Variants in SLC44A5 observed in about 807,000 individuals in gnomAD.
SLC44A5 encodes choline transporter-like protein 5.
Under a neutral mutation model 101.8 loss-of-function variants are expected in SLC44A5, and 57 were observed. That is an observed-to-expected ratio of 0.56 (90% confidence interval 0.45 to 0.70). SLC44A5 has a LOEUF of 0.70. Ranked by LOEUF, SLC44A5 falls within the 30% of genes least tolerant of loss-of-function variation. The pLI, the probability that SLC44A5 is intolerant of heterozygous loss-of-function variation, is 0.00. For synonymous variants in SLC44A5, 281 were observed against 290.9 expected (o/e 0.97, Z 0.35); for missense variants, 737 against 853.1 (o/e 0.86, Z 1.70).
the SLC44A5 span, among the ~76,000 whole-genome samples, chr1:75,682,238 G>T: frequency 6.6e-6 from 1 of 152,220 alleles, no homozygotes; most frequent in African/African-American, 2.4e-5. Context: ...TTTCTTCACA[G>T]AATTGGAAAA....
intron 4 of SLC44A5, among the ~76,000 whole-genome samples, chr1:75,319,866 G>A (rs1054922690): frequency 6.6e-5 from 10 of 152,072 alleles, no homozygotes; most frequent in Non-Finnish European, 1.3e-4. Context: ...AGGAAACAGA[G>A]GATAAAATAC....
chr1:75,585,564 A>G (rs1203607287), intron 1 of SLC44A5, among the ~76,000 whole-genome samples: 6 of 152,156 alleles, frequency 3.9e-5, no homozygotes, highest in Admixed American at 3.9e-4. Flanking sequence ...AAACTTCATG[A>G]GTATTTGGAA....
At chr1:75,301,784 G>A (rs764331494) in intron 4 of SLC44A5, among the ~76,000 whole-genome samples, 15 of 152,142 alleles carry the variant, frequency 9.9e-5, no homozygotes, top group Non-Finnish European at 2.1e-4. Context: ...GCTTACTTAA[G>A]GTACGTGAAA....
chr1:75,396,774 T>C (rs1662151384), intron 2 of SLC44A5, 153 bp from the exon 3 acceptor site: 2 of 604,984 alleles, frequency 3.3e-6, no homozygotes, highest in Admixed American at 2.7e-5. Flanking sequence ...TAATTCTTTA[T>C]ACACAAAGCT....
At chr1:75,225,783 T>G (rs1377365194) in intron 13 of SLC44A5, among the ~76,000 whole-genome samples, 3 of 152,246 alleles carry the variant, frequency 2.0e-5, no homozygotes, top group African/African-American at 7.2e-5. Flanking sequence ...GAGGCTTATT[T>G]ATCAGTATTC....
At chr1:75,301,814 G>C (rs1654471039) in intron 4 of SLC44A5, among the ~76,000 whole-genome samples, 2 of 152,116 alleles carry the variant, frequency 1.3e-5, no homozygotes, top group Non-Finnish European at 2.9e-5. Context: ...AAAGAAGGGG[G>C]CAAATATCTA....
At chr1:75,498,567 T>C (rs1668789623) in intron 2 of SLC44A5, among the ~76,000 whole-genome samples, 1 of 152,212 alleles carries the variant, frequency 6.6e-6, no homozygotes, top group Admixed American at 6.5e-5. Context: ...TGCATGCTAA[T>C]CCAGTTTTTT....
chr1:75,674,301 G>C, the SLC44A5 span, among the ~76,000 whole-genome samples: 4 of 151,640 alleles, frequency 2.6e-5, no homozygotes, highest in Non-Finnish European at 5.9e-5. Flanking sequence ...CTTAATAGCA[G>C]AATTGATCAA....
At chr1:75,279,902 C>T (rs529523325) in intron 5 of SLC44A5, among the ~76,000 whole-genome samples, 6 of 151,800 alleles carry the variant, frequency 4.0e-5, no homozygotes, top group African/African-American at 1.4e-4. Flanking sequence ...CTCTCAACCC[C>T]TCCCACTTTT....
At chr1:75,456,303 G>A (rs1666185659) in intron 2 of SLC44A5, among the ~76,000 whole-genome samples, 1 of 152,014 alleles carries the variant, frequency 6.6e-6, no homozygotes, top group African/African-American at 2.4e-5. Flanking sequence ...TAAACATTAG[G>A]TACTCATGGA....
intron 2 of SLC44A5, among the ~76,000 whole-genome samples, chr1:75,512,458 A>G (rs748949340): frequency 1.5e-4 from 23 of 152,074 alleles, no homozygotes; most frequent in Non-Finnish European, 3.1e-4. Flanking sequence ...TCTGAATCCA[A>G]TTTTTAGTTA....
chr1:75,416,985 G>A (rs528963261), intron 2 of SLC44A5, among the ~76,000 whole-genome samples: 64 of 152,286 alleles, frequency 4.2e-4, no homozygotes, highest in African/African-American at 1.4e-3. Flanking sequence ...ACTTTGGACT[G>A]TGGAACTTTT....
intron 3 of SLC44A5, among the ~76,000 whole-genome samples, chr1:75,348,151 T>C (rs950067110): frequency 1.3e-5 from 2 of 151,680 alleles, no homozygotes; most frequent in African/African-American, 2.4e-5. Context: ...CTCTCTCTCC[T>C]CTCTCTCTCT....
intron 1 of SLC44A5, among the ~76,000 whole-genome samples, chr1:75,574,547 G>A (rs1381273238): frequency 3.9e-5 from 6 of 152,198 alleles, no homozygotes; most frequent in Admixed American, 3.3e-4. Context: ...AAAAGCAGAA[G>A]CAGGTCTGGC....
chr1:75,254,578 C>T lies in SLC44A5; in HGVS notation c.261-3284G>A, dbSNP rs927569497. 2.6e-5 allele frequency among the ~76,000 whole-genome samples: 4 copies of T among 152,078 alleles called. No homozygotes were observed. In the East Asian group the frequency reaches 7.7e-4, roughly 29 times the overall value. On this transcript the variant is annotated intron_variant, in intron 6 of 23. Coordinates refer to ENST00000370859, the MANE Select transcript of SLC44A5 (RefSeq NM_001130058.2). ...AAAGTACCAATAAATGAATAAACCT[C>T]GCCACACAAGCTAAGAATGTGGAGG...
the SLC44A5 span, among the ~76,000 whole-genome samples, chr1:75,672,427 T>A: frequency 1.3e-5 from 2 of 151,878 alleles, no homozygotes; most frequent in Admixed American, 1.3e-4. Flanking sequence ...AGAGGTGAAT[T>A]ATCCATCCCA....
chr1:75,396,365 T>G (rs1662121062), intron 3 of SLC44A5, among the ~76,000 whole-genome samples: 1 of 152,160 alleles, frequency 6.6e-6, no homozygotes, highest in Non-Finnish European at 1.5e-5. Context: ...GCATGATGTT[T>G]TTCCTGGGAA....
chr1:75,716,081 T>C, the SLC44A5 span, among the ~76,000 whole-genome samples: 5 of 152,002 alleles, frequency 3.3e-5, no homozygotes, highest in Non-Finnish European at 7.4e-5. Context: ...CAGTAATCAA[T>C]AGAGAAATGC....
chr1:75,420,324 A>G (rs1358753891), intron 2 of SLC44A5, among the ~76,000 whole-genome samples: 1 of 152,184 alleles, frequency 6.6e-6, no homozygotes, highest in Non-Finnish European at 1.5e-5. Flanking sequence ...AAGTATAGCT[A>G]TTAAATTATT....
Sources: allele counts gnomAD v4.1 joint callset (sites outside exome capture counted in the v4.1 genomes callset), GRCh38; gene constraint gnomAD v4.1.1; transcripts MANE v1.5; gene names NCBI Gene and HGNC (gene_info 2026-07-23, HGNC 2026-07-21).